The following TMPRSS2 variants were observed in gnomAD, a reference collection of about 807,000 sequenced individuals.
TMPRSS2 encodes the protein transmembrane serine protease 2.
Under a neutral mutation model 67.4 loss-of-function variants are expected in TMPRSS2, and 59 were observed. The observed-to-expected ratio is 0.88, with a 90% CI of 0.71 to 1.09. The LOEUF is 1.09. Among genes scored for constraint, TMPRSS2 ranks in the 50% least tolerant of loss-of-function variants. The probability of loss-of-function intolerance (pLI) is 0.00; values close to 1 mark genes in which losing one functional copy is unlikely to be tolerated. For synonymous variants in TMPRSS2, 257 were observed against 257.0 expected, an observed-to-expected ratio of 1.00 and a Z score of 0.00; for missense variants, 668 against 642.7, an observed-to-expected ratio of 1.04 and a Z score of -0.43.
intron 8 of TMPRSS2, among the ~76,000 whole-genome samples, chr21:41,475,528 GGGTGAAGGGT>G (rs2091200785): frequency 6.8e-5 from 2 of 29,352 alleles, no homozygotes; most frequent in African/African-American, 1.7e-4. Context: ...GTGAGTGAGG[GGGTGAAGGGT>G]GAGTGAGGGG....
Position 41,479,992 on chromosome 21 carries a change from CTGAT to C in TMPRSS2, c.572+480_572+483del, listed in dbSNP as rs2091244068. Among the ~76,000 whole-genome samples the C allele has an allele frequency of 3.3e-5, 5 of 152,152 alleles. No homozygotes were observed. The South Asian group carries it at 6.2e-4, about 19-fold the overall frequency. Reference sequence around the variant, plus strand: ...GGAATGACATTTTTTAAGTATCAGTCTGATTGATTGATTCTCTCCCCAGCTCAAA... The same window carrying C: ...GGAATGACATTTTTTAAGTATCAGTCTGATTGATTCTCTCCCCAGCTCAAA... On this transcript the variant is annotated intron_variant, in intron 6 of 13. Transcript: ENST00000332149.
intron 3 of TMPRSS2, among the ~76,000 whole-genome samples, chr21:41,490,497 A>G (rs2091327847): frequency 6.6e-6 from 1 of 152,222 alleles, no homozygotes; most frequent in South Asian, 2.1e-4. Flanking sequence ...CAGCTGTAGA[A>G]CCTTCCCATG....
At chr21:41,473,531 A>C in intron 8 of TMPRSS2, 35 bp from the exon 9 acceptor site, 2 of 1,579,274 alleles carry the variant, frequency 1.3e-6, no homozygotes, top group African/African-American at 1.3e-5. Flanking sequence ...GTGGGGTGAG[A>C]CCAGCAGAAG....
At chr21:41,501,900 G>A (rs145877432) in intron 1 of TMPRSS2, among the ~76,000 whole-genome samples, 227 of 152,344 alleles carry the variant, frequency 1.5e-3, no homozygotes, top group African/African-American at 4.6e-3. Flanking sequence ...TTAAAGGACC[G>A]GGATGATGGC....
chr21:41,486,792 C>T (rs1245155999), intron 5 of TMPRSS2: 1 of 152,108 alleles, frequency 6.6e-6, no homozygotes, highest in Non-Finnish European at 1.5e-5. Flanking sequence ...CTCAAAAATT[C>T]ATGAAAAATA....
intron 11 of TMPRSS2, among the ~76,000 whole-genome samples, chr21:41,469,818 T>A (rs147368850): frequency 2.0e-5 from 3 of 152,316 alleles, no homozygotes; most frequent in African/African-American, 7.2e-5. Flanking sequence ...CACTTCTGCA[T>A]TCCCAGCACC....
At chr21:41,477,281 G>A (rs767150320) in intron 7 of TMPRSS2, among the ~76,000 whole-genome samples, 37 of 152,166 alleles carry the variant, frequency 2.4e-4, no homozygotes, top group Non-Finnish European at 5.3e-4. Flanking sequence ...GCCCCTCCAT[G>A]CCTGAGATGG....
In TMPRSS2 at chr21:41,468,342, G is replaced by C. The variant is rs561982326; in HGVS notation, c.1314+54C>G. On this transcript the variant is annotated intron_variant, in intron 12 of 13. Transcript: ENST00000332149. ...CCCAAGAATGCCCTCTCTCTCATGG[G>C]GGGTTCAGTAGGATCTGGTAAGGAC... 40 of 1,602,744 alleles carry C rather than the reference G, an allele frequency of 2.5e-5. No individual in the cohort carries two copies. In the Admixed American group the frequency reaches 6.7e-4, roughly 27 times the overall value.
chr21:41,470,591 G>C, intron 11 of TMPRSS2, 57 bp downstream of exon 11: 1 of 1,543,202 alleles, frequency 6.5e-7, no homozygotes, highest in Non-Finnish European at 8.9e-7. Context: ...TCCCACTTCC[G>C]AACCCAATGC....
chr21:41,507,944 A>ACTCACCTGCCGCGCCGCGCTC lies in TMPRSS2; in HGVS notation c.-57+116_-57+136dup, dbSNP rs776289042. The ACTCACCTGCCGCGCCGCGCTC allele has an allele frequency of 2.0e-4, 291 of 1,486,008 alleles. 2 individuals carry two copies. In the South Asian group the frequency reaches 3.6e-3, roughly 18 times the overall value. The allele number at this position is 1,486,008 out of a possible 1,614,324, so 92.1% of individuals were successfully genotyped here. On this transcript the variant is annotated intron_variant, in intron 1 of 13. Transcript: ENST00000332149. ...GCCCCAGCGCTCGACCCTCGGGCGC[A>ACTCACCTGCCGCGCCGCGCTC]CTCACCTGCCGCGCCGCGCTCCTCA...
intron 13 of TMPRSS2, among the ~76,000 whole-genome samples, chr21:41,466,457 C>T (rs1273843467): frequency 6.6e-6 from 1 of 152,200 alleles, no homozygotes; most frequent in Non-Finnish European, 1.5e-5. Flanking sequence ...CACAGCCATG[C>T]GGACCCACCT....
rs1463639626 is a variant in TMPRSS2 at position 41,465,413 on chromosome 21, TGAGGAG to T, written c.*723_*728del. 1.7e-5 allele frequency: 4 copies of T among 233,394 alleles called. No individual in the cohort carries two copies. The highest frequency in any genetic ancestry group is 1.2e-3 in the Middle Eastern group (1 of 806). The allele number at this position is 233,394 out of a possible 1,614,324, so 14.5% of individuals were successfully genotyped here. A position where few individuals can be genotyped will look rare whatever the true frequency, so the allele number is the denominator to read the frequency against. On this transcript the variant is annotated 3_prime_UTR_variant, in exon 14 of 14. Coordinates refer to ENST00000332149, the MANE Select transcript of TMPRSS2 (RefSeq NM_005656.4). Reference sequence around the variant, plus strand: ...GTGCTAGGAGCAGGGTCAGGGAGGATGAGGAGGAAGGCTGAGTCTCCCTCCCAGGAG... The same window carrying T: ...GTGCTAGGAGCAGGGTCAGGGAGGATGAAGGCTGAGTCTCCCTCCCAGGAG...
At chr21:41,475,532 GAAGGGT>G (rs2091201035) in intron 8 of TMPRSS2, among the ~76,000 whole-genome samples, 1 of 32,732 alleles carries the variant, frequency 3.1e-5, no homozygotes, top group Non-Finnish European at 6.0e-5. Flanking sequence ...GTGAGGGGGT[GAAGGGT>G]GAGTGAGGGG....
intron 7 of TMPRSS2, among the ~76,000 whole-genome samples, chr21:41,477,774 C>A (rs901959388): frequency 1.3e-5 from 2 of 152,080 alleles, no homozygotes; most frequent in Non-Finnish European, 2.9e-5. Context: ...GTGGTCACAG[C>A]GCCAGGGCAC....
chr21:41,502,399 C>T (rs2146506302), intron 1 of TMPRSS2: 1 of 985,358 alleles, frequency 1.0e-6, no homozygotes, highest in Non-Finnish European at 1.2e-6. Flanking sequence ...GTGCACACAC[C>T]TTCTCCTTCT....
At chr21:41,497,155 A>G (rs1310549541) in intron 2 of TMPRSS2, among the ~76,000 whole-genome samples, 1 of 152,036 alleles carries the variant, frequency 6.6e-6, no homozygotes, top group East Asian at 1.9e-4. Context: ...CTTGTCTCTT[A>G]TTGACCTCAG....
Position 41,493,819 on chromosome 21 carries a change from C to T in TMPRSS2, c.238+537G>A, listed in dbSNP as rs145662876. 3.7e-4 allele frequency among the ~76,000 whole-genome samples: 57 copies of T among 152,358 alleles called. No individual in the cohort carries two copies. In the East Asian group the frequency reaches 0.01, roughly 27 times the overall value. On this transcript the variant is annotated intron_variant, in intron 3 of 13. Transcript: ENST00000332149. ...ATTTAACCTCCAGTCCTCCCACGCTCGCTCTGGCCTGCTCCGGCCACCCGC... is the reference window on the plus strand; with the variant it reads ...ATTTAACCTCCAGTCCTCCCACGCTTGCTCTGGCCTGCTCCGGCCACCCGC...
intron 1 of TMPRSS2, chr21:41,507,823 C>A: frequency 8.8e-7 from 1 of 1,135,072 alleles, no homozygotes; most frequent in Admixed American, 3.6e-5. Flanking sequence ...CTCGCGATGC[C>A]AAGCCAACAG....
chr21:41,470,548 T>C (rs2091123535), intron 11 of TMPRSS2, 100 bp downstream of exon 11: 3 of 1,099,346 alleles, frequency 2.7e-6, no homozygotes, highest in Admixed American at 2.2e-5. Flanking sequence ...CATCCAGTCA[T>C]TGAGTAGTAG....
Sources: allele counts gnomAD v4.1 joint callset (sites outside exome capture counted in the v4.1 genomes callset), GRCh38; gene constraint gnomAD v4.1.1; transcripts MANE v1.5; gene names NCBI Gene and HGNC (gene_info 2026-07-23, HGNC 2026-07-21).